The following OPCML variants were observed in gnomAD, a reference collection of about 807,000 sequenced individuals.
OPCML encodes opioid-binding protein/cell adhesion molecule.
In OPCML, 13 loss-of-function variants were observed where a neutral mutation model predicts 37.8. The ratio of observed to expected loss-of-function variants is 0.34; its 90% CI spans 0.22 to 0.55. OPCML has a LOEUF of 0.55. Ranked by LOEUF, OPCML falls within the 20% of genes least tolerant of loss-of-function variation. The probability of loss-of-function intolerance (pLI) is 0.91; values close to 1 mark genes in which losing one functional copy is unlikely to be tolerated. For missense variants in OPCML, 341 were observed against 435.6 expected, an observed-to-expected ratio of 0.78 and a Z score of 1.93; for synonymous variants, 176 against 168.8, an observed-to-expected ratio of 1.04 and a Z score of -0.33.
At chr11:133,183,893 G>C (rs1937952024) in intron 1 of OPCML, among the ~76,000 whole-genome samples, 1 of 152,148 alleles carries the variant, frequency 6.6e-6, no homozygotes, top group Non-Finnish European at 1.5e-5. Flanking sequence ...CTAAATACAT[G>C]CCATGATTTT....
intron 2 of OPCML, among the ~76,000 whole-genome samples, chr11:132,756,961 T>C (rs117479607): frequency 0.011 from 1,608 of 152,226 alleles, 14 homozygotes; most frequent in Middle Eastern, 0.031. Flanking sequence ...CCCTGATGTG[T>C]GATGTTCCCC....
intron 1 of OPCML, among the ~76,000 whole-genome samples, chr11:133,394,198 TA>T (rs1945237796): frequency 1.3e-5 from 2 of 152,250 alleles, no homozygotes; most frequent in Admixed American, 1.3e-4. Flanking sequence ...AGAGCCAACA[TA>T]TTATAGTTGC....
Position 132,660,514 on chromosome 11 carries a change from A to C in OPCML, c.147-3195T>G, listed in dbSNP as rs140696749. ...GGAAAGTATATGATACCATTTTACC[A>C]GGCCTTATCAGATGGCTGCAAAAAG... is the stretch of plus-strand genomic sequence containing the variant. On this transcript the variant is annotated intron_variant, in intron 2 of 7. Transcript: ENST00000524381. 4.1e-3 allele frequency among the ~76,000 whole-genome samples: 630 copies of C among 152,322 alleles called. 3 individuals carry two copies. The highest frequency in any genetic ancestry group is 0.013 in the African/African-American group (531 of 41,578).
chr11:133,448,488 C>T (rs1339052696), intron 1 of OPCML, among the ~76,000 whole-genome samples: 1 of 152,122 alleles, frequency 6.6e-6, no homozygotes, highest in East Asian at 1.9e-4. Context: ...GACAGAGTCT[C>T]ACTCTGTCAC....
chr11:133,183,272 C>G (rs2136288917), intron 1 of OPCML, among the ~76,000 whole-genome samples: 1 of 152,308 alleles, frequency 6.6e-6, no homozygotes, highest in South Asian at 2.1e-4. Context: ...ACGATTTCTG[C>G]TGGATAAAGC....
intron 1 of OPCML, among the ~76,000 whole-genome samples, chr11:133,356,771 C>A (rs993133732): frequency 6.6e-6 from 1 of 152,158 alleles, no homozygotes; most frequent in Non-Finnish European, 1.5e-5. Context: ...GTGGCAGGAA[C>A]AGGACATATA....
chr11:133,171,753 T>C (rs1046007325), intron 1 of OPCML, among the ~76,000 whole-genome samples: 1 of 152,190 alleles, frequency 6.6e-6, no homozygotes, highest in Non-Finnish European at 1.5e-5. Context: ...TCTTTAACAC[T>C]GCAATTCTTG....
At chr11:133,001,404 T>G (rs1462537905) in intron 1 of OPCML, among the ~76,000 whole-genome samples, 1 of 152,162 alleles carries the variant, frequency 6.6e-6, no homozygotes, top group African/African-American at 2.4e-5. Context: ...ATAGAAGGAA[T>G]CTCAGCAAAT....
In OPCML at chr11:132,941,504, A is replaced by C. The variant is rs1002251654; in HGVS notation, c.146+1422T>G. Among the ~76,000 whole-genome samples the C allele has an allele frequency of 5.3e-5, 8 of 152,200 alleles. No homozygotes were observed. In the South Asian group the frequency reaches 8.3e-4, roughly 16 times the overall value. On this transcript the variant is annotated intron_variant, in intron 2 of 7. Coordinates refer to ENST00000524381, the MANE Select transcript of OPCML (RefSeq NM_001012393.5). ...AACCCGTGTGCTGCTTATATCTTTA[A>C]GCCAACTAGCTCACTGCAAATGCGT...
intron 3 of OPCML, among the ~76,000 whole-genome samples, chr11:132,632,134 TAA>T (rs138183892): frequency 6.4e-5 from 9 of 140,116 alleles, no homozygotes; most frequent in Non-Finnish European, 4.7e-5. Context: ...AGATCCAGCT[TAA>T]AAAAAAAAAA....
intron 1 of OPCML, among the ~76,000 whole-genome samples, chr11:133,024,044 T>C (rs1947502320): frequency 6.6e-6 from 1 of 152,170 alleles, no homozygotes; most frequent in Admixed American, 6.5e-5. Context: ...TTGGGTTTTA[T>C]TACGTATTTC....
intron 3 of OPCML, among the ~76,000 whole-genome samples, chr11:132,546,095 A>T (rs909972849): frequency 2.0e-5 from 3 of 152,124 alleles, no homozygotes; most frequent in African/African-American, 7.2e-5. Context: ...ACGTTTTCCA[A>T]TTCAATAAGT....
intron 1 of OPCML, among the ~76,000 whole-genome samples, chr11:133,437,618 GCAACCCCGCTCACCTCTCCCCTCT>G (rs1565633201): frequency 1.5e-4 from 21 of 139,040 alleles, no homozygotes; most frequent in African/African-American, 5.6e-4. Context: ...CAAAACCTCT[GCAACCCCGCTCACCTCTCCCCTCT>G]CAACCCCGCT....
intron 1 of OPCML, among the ~76,000 whole-genome samples, chr11:133,106,001 A>AAAAT (rs10692475): frequency 1.3e-5 from 2 of 151,212 alleles, no homozygotes; most frequent in African/African-American, 4.9e-5. Context: ...AAAAAAAAGA[A>AAAAT]AAAAAGAATA....
chr11:133,345,453 C>G (rs1486188544), intron 1 of OPCML, among the ~76,000 whole-genome samples: 1 of 152,206 alleles, frequency 6.6e-6, no homozygotes, highest in Non-Finnish European at 1.5e-5. Context: ...ATCCTTTGTA[C>G]TGAATAATCT....
intron 1 of OPCML, among the ~76,000 whole-genome samples, chr11:133,242,648 T>G (rs1189759900): frequency 2.0e-5 from 3 of 152,168 alleles, no homozygotes; most frequent in Non-Finnish European, 4.4e-5. Flanking sequence ...TGTAATTACC[T>G]CTTTTTAAAG....
chr11:133,154,572 A>T (rs1950030256), intron 1 of OPCML, among the ~76,000 whole-genome samples: 1 of 150,548 alleles, frequency 6.6e-6, no homozygotes, highest in Non-Finnish European at 1.5e-5. Flanking sequence ...AATAATAAAA[A>T]AGAATAGAAG....
Position 132,803,429 on chromosome 11 carries a change from G to A in OPCML, c.146+139497C>T, listed in dbSNP as rs564449275. ...AAAAAGAATACAGTGGGTAAGGATG[G>A]GGATAAAAATAAGAATGAATCCCAC... On this transcript the variant is annotated intron_variant, in intron 2 of 7. Coordinates refer to ENST00000524381, the MANE Select transcript of OPCML (RefSeq NM_001012393.5). Among the ~76,000 whole-genome samples the A allele has an allele frequency of 2.6e-5, 4 of 152,242 alleles. No homozygotes were observed. The South Asian group carries it at 8.3e-4, about 32-fold the overall frequency.
chr11:132,751,200 A>G (rs764797014), intron 2 of OPCML, among the ~76,000 whole-genome samples: 2 of 151,990 alleles, frequency 1.3e-5, no homozygotes, highest in South Asian at 2.1e-4. Context: ...CCATCATTCT[A>G]TATCTCCTTA....
Sources: gnomAD v4.1 joint callset for allele counts (sites outside exome capture counted in the v4.1 genomes callset) on GRCh38, gnomAD v4.1.1 for gene constraint, MANE v1.5 for transcripts, NCBI Gene and HGNC (gene_info 2026-07-23, HGNC 2026-07-21) for gene names.